HPSE2: variants seen among roughly 807,000 people sequenced by gnomAD.
The protein encoded by HPSE2 is heparanase 2 (inactive).
A neutral mutation model predicts 60.5 loss-of-function variants in HPSE2; 38 were observed. The observed-to-expected ratio is 0.63, with a 90% confidence interval of 0.48 to 0.82. HPSE2 has a LOEUF of 0.82. HPSE2 is among the 40% of genes least tolerant of loss of function. The pLI is 0.00. For synonymous variants in HPSE2, 295 were observed against 293.2 expected, an observed-to-expected ratio of 1.01 and a Z score of -0.06; for missense variants, 713 against 740.4, an observed-to-expected ratio of 0.96 and a Z score of 0.43.
chr10:98,924,611 C>G (rs1954391686), intron 3 of HPSE2: 1 of 152,248 alleles, frequency 6.6e-6, no homozygotes, highest in Admixed American at 6.5e-5. Flanking sequence ...TAACTTTGAT[C>G]TCCTCTCCTT....
intron 3 of HPSE2, among the ~76,000 whole-genome samples, chr10:99,017,842 T>C (rs1387285347): frequency 6.6e-6 from 1 of 152,218 alleles, no homozygotes; most frequent in Non-Finnish European, 1.5e-5. Context: ...ATACACATTT[T>C]TGAACACCTA....
chr10:99,315,212 A>G, the HPSE2 span, among the ~76,000 whole-genome samples: 2 of 152,216 alleles, frequency 1.3e-5, no homozygotes, highest in Non-Finnish European at 2.9e-5. Context: ...GAGCAAAAAT[A>G]TTTCTACATA....
intron 3 of HPSE2, among the ~76,000 whole-genome samples, chr10:98,746,460 A>G (rs938594384): frequency 1.2e-4 from 19 of 152,172 alleles, no homozygotes; most frequent in African/African-American, 4.6e-4. Flanking sequence ...ATAATATTAA[A>G]GTAAATTCAT....
intron 3 of HPSE2, among the ~76,000 whole-genome samples, chr10:99,036,780 C>T (rs552978275): frequency 6.6e-6 from 1 of 152,244 alleles, no homozygotes; most frequent in South Asian, 2.1e-4. Context: ...TTATTAATTA[C>T]TATGGTGGTT....
chr10:98,705,970 T>C (rs1226393962), intron 5 of HPSE2, among the ~76,000 whole-genome samples: 1 of 152,204 alleles, frequency 6.6e-6, no homozygotes, highest in Non-Finnish European at 1.5e-5. Flanking sequence ...TATAATCATA[T>C]ACAAATAACC....
chr10:98,517,750 C>T (rs1433750990), intron 9 of HPSE2, among the ~76,000 whole-genome samples: 3 of 152,166 alleles, frequency 2.0e-5, no homozygotes, highest in African/African-American at 4.8e-5. Context: ...TGGAGTCAAG[C>T]ACCCTGGATT....
intron 3 of HPSE2, among the ~76,000 whole-genome samples, chr10:98,757,583 T>C (rs1327852045): frequency 3.3e-5 from 5 of 152,020 alleles, no homozygotes; most frequent in Non-Finnish European, 7.4e-5. Context: ...CCATTCACCA[T>C]AGCCATAAAA....
chr10:99,313,956 C>T, the HPSE2 span, among the ~76,000 whole-genome samples: 6 of 152,004 alleles, frequency 3.9e-5, no homozygotes, highest in Admixed American at 2.0e-4. Flanking sequence ...CAAATAGCAT[C>T]ACGTGCTACA....
chr10:99,180,916 A>C lies in HPSE2; in HGVS notation c.449-36517T>G, dbSNP rs1330643675. 1.3e-4 allele frequency among the ~76,000 whole-genome samples: 20 copies of C among 150,202 alleles called. No individual in the cohort carries two copies. The East Asian group carries it at 3.6e-3, about 27-fold the overall frequency. On this transcript the variant is annotated intron_variant, in intron 2 of 11. Coordinates refer to ENST00000370552, the MANE Select transcript of HPSE2 (RefSeq NM_021828.5). ...AAAAAAAAAAAAAAAAAAAAAAAAA[A>C]AACACAGATGCTGGAGAGGATGTGG...
intron 3 of HPSE2, among the ~76,000 whole-genome samples, chr10:98,890,195 T>C (rs896205716): frequency 6.6e-6 from 1 of 152,226 alleles, no homozygotes; most frequent in African/African-American, 2.4e-5. Context: ...CATTTTTATT[T>C]TGTTTTTACC....
intron 6 of HPSE2, among the ~76,000 whole-genome samples, chr10:98,670,560 T>A (rs748112836): frequency 7.9e-5 from 12 of 152,202 alleles, no homozygotes; most frequent in Non-Finnish European, 1.5e-4. Flanking sequence ...TTTATATTGT[T>A]TTATACTCAG....
At chr10:98,923,512 A>C (rs1055311776) in intron 3 of HPSE2, among the ~76,000 whole-genome samples, 1 of 152,092 alleles carries the variant, frequency 6.6e-6, no homozygotes, top group Non-Finnish European at 1.5e-5. Context: ...CCTCCTCTTT[A>C]AAGCCAATAA....
chr10:98,531,529 G>A (rs1214052836), intron 9 of HPSE2, among the ~76,000 whole-genome samples: 4 of 152,142 alleles, frequency 2.6e-5, no homozygotes, highest in Non-Finnish European at 4.4e-5. Flanking sequence ...TGTAGTGCAC[G>A]TGCGGGCTAA....
At chr10:99,255,301 A>G in the HPSE2 span, among the ~76,000 whole-genome samples, 1 of 152,210 alleles carries the variant, frequency 6.6e-6, no homozygotes, top group African/African-American at 2.4e-5. Context: ...TTAAGGGAGA[A>G]ATAGTATTAG....
chr10:98,526,586 A>G (rs1435672309), intron 9 of HPSE2, among the ~76,000 whole-genome samples: 2 of 152,218 alleles, frequency 1.3e-5, no homozygotes, highest in Non-Finnish European at 2.9e-5. Context: ...TTAGAAATAA[A>G]TACAGAGAAC....
At chr10:98,799,844 T>TA (rs1228407693) in intron 3 of HPSE2, among the ~76,000 whole-genome samples, 3 of 151,234 alleles carry the variant, frequency 2.0e-5, no homozygotes, top group African/African-American at 4.9e-5. Context: ...AAACTTCAAT[T>TA]AAAAAAACCT....
intron 3 of HPSE2, among the ~76,000 whole-genome samples, chr10:98,848,017 T>C (rs1952074099): frequency 6.6e-6 from 1 of 152,214 alleles, no homozygotes; most frequent in Non-Finnish European, 1.5e-5. Context: ...CATAAAATAA[T>C]TCAGGTGAAA....
At chr10:99,289,804 T>G in the HPSE2 span, among the ~76,000 whole-genome samples, 1 of 152,178 alleles carries the variant, frequency 6.6e-6, no homozygotes, top group African/African-American at 2.4e-5. Flanking sequence ...GCAAATTAAA[T>G]TATGGTTTCA....
At chr10:99,087,958 A>AC (rs958055146) in intron 3 of HPSE2, among the ~76,000 whole-genome samples, 8 of 149,310 alleles carry the variant, frequency 5.4e-5, no homozygotes, top group Non-Finnish European at 8.9e-5. Context: ...TAATTCCTGA[A>AC]CCCCCCCTTC....
Sources: gnomAD v4.1 joint callset for allele counts (sites outside exome capture counted in the v4.1 genomes callset) on GRCh38, gnomAD v4.1.1 for gene constraint, MANE v1.5 for transcripts, NCBI Gene and HGNC (gene_info 2026-07-23, HGNC 2026-07-21) for gene names.